Variants in R3HDM1 observed in about 807,000 individuals in gnomAD.
R3HDM1 encodes R3H domain-containing protein 1.
A neutral mutation model predicts 141.1 loss-of-function variants in R3HDM1; 46 were observed. The ratio of observed to expected loss-of-function variants is 0.33; its 90% CI spans 0.26 to 0.42. R3HDM1 has a LOEUF of 0.42. Ranked by LOEUF, R3HDM1 falls within the 10% of genes least tolerant of loss-of-function variation. The pLI, the probability that R3HDM1 is intolerant of heterozygous loss-of-function variation, is 1.00. For synonymous variants in R3HDM1, 435 were observed against 472.9 expected (o/e 0.92, Z 1.04); for missense variants, 1,184 against 1,368.3 (o/e 0.87, Z 2.12).
At chr2:135,681,434 G>C (rs2070285142) in intron 21 of R3HDM1, among the ~76,000 whole-genome samples, 1 of 152,128 alleles carries the variant, frequency 6.6e-6, no homozygotes, top group Non-Finnish European at 1.5e-5. Context: ...TCTCACATTG[G>C]CTGAATGATT....
intron 2 of R3HDM1, among the ~76,000 whole-genome samples, chr2:135,603,901 C>G (rs1258758885): frequency 6.6e-6 from 1 of 152,236 alleles, no homozygotes; most frequent in African/African-American, 2.4e-5. Flanking sequence ...CCCACCGCAG[C>G]CGGCCAAGTT....
intron 1 of R3HDM1, among the ~76,000 whole-genome samples, chr2:135,570,357 A>T (rs1017561392): frequency 1.3e-5 from 2 of 152,236 alleles, no homozygotes; most frequent in African/African-American, 4.8e-5. Context: ...GGAATACATA[A>T]GCAAATATTG....
intron 16 of R3HDM1, among the ~76,000 whole-genome samples, chr2:135,646,484 G>C (rs1361790729): frequency 6.6e-6 from 1 of 151,838 alleles, no homozygotes; most frequent in Admixed American, 6.6e-5. Context: ...CCTGTAGTTA[G>C]TTATACCTCT....
At position 135,597,560 on chromosome 2, in the gene R3HDM1, T is replaced by C. The variant is rs984263715; in HGVS notation, c.-249-4940T>C. ...TTATAACCTCAGGGAGAACTTGATATGGGTTGCTTTTGTGCATTTGATTTT... is the reference window on the plus strand; with the variant it reads ...TTATAACCTCAGGGAGAACTTGATACGGGTTGCTTTTGTGCATTTGATTTT... On this transcript the variant is annotated intron_variant, in intron 1 of 26. Coordinates refer to ENST00000683871, the MANE Select transcript of R3HDM1 (RefSeq NM_001378107.1). Among the ~76,000 whole-genome samples the C allele has an allele frequency of 6.1e-4, 93 of 152,248 alleles. 2 individuals are homozygous for C. The highest frequency in any genetic ancestry group is 5.8e-3 in the Admixed American group (88 of 15,288).
At chr2:135,552,309 C>A (rs1049232095) in intron 1 of R3HDM1, among the ~76,000 whole-genome samples, 3 of 152,040 alleles carry the variant, frequency 2.0e-5, no homozygotes, top group South Asian at 2.1e-4. Flanking sequence ...AATTCTCCCC[C>A]CTCAGCCTCC....
intron 1 of R3HDM1, among the ~76,000 whole-genome samples, chr2:135,592,647 G>T (rs1000123192): frequency 2.6e-5 from 4 of 151,712 alleles, no homozygotes; most frequent in Non-Finnish European, 5.9e-5. Flanking sequence ...CAGTTTCCAG[G>T]AATCCAAACC....
intron 1 of R3HDM1, among the ~76,000 whole-genome samples, chr2:135,541,523 A>G (rs1296058214): frequency 3.3e-5 from 5 of 151,984 alleles, no homozygotes; most frequent in Admixed American, 2.0e-4. Flanking sequence ...ACCTAATTTC[A>G]ATGTTGTTTT....
intron 1 of R3HDM1, among the ~76,000 whole-genome samples, chr2:135,550,967 A>T (rs1015554985): frequency 2.0e-5 from 3 of 152,264 alleles, no homozygotes; most frequent in African/African-American, 7.2e-5. Flanking sequence ...AGCAAATTAC[A>T]TATGCACTTA....
chr2:135,648,234 A>C (rs933855974), intron 16 of R3HDM1, among the ~76,000 whole-genome samples: 2 of 152,096 alleles, frequency 1.3e-5, no homozygotes, highest in Admixed American at 6.6e-5. Flanking sequence ...TTACTGAAAG[A>C]TTTTTTTAAT....
chr2:135,538,245 A>G (rs1483312764), intron 1 of R3HDM1, among the ~76,000 whole-genome samples: 1 of 152,252 alleles, frequency 6.6e-6, no homozygotes, highest in African/African-American at 2.4e-5. Flanking sequence ...AAGACAAGGT[A>G]TGGTAAAAAT....
intron 7 of R3HDM1, among the ~76,000 whole-genome samples, chr2:135,624,299 G>T (rs1228481201): frequency 6.6e-6 from 1 of 151,820 alleles, no homozygotes; most frequent in Non-Finnish European, 1.5e-5. Context: ...GGAGGCTGAG[G>T]CAGGGGAATG....
intron 21 of R3HDM1, 122 bp from the exon 22 acceptor site, chr2:135,709,311 G>T (rs376794631): frequency 7.5e-7 from 1 of 1,324,890 alleles, no homozygotes; most frequent in Non-Finnish European, 1.0e-6. Context: ...CTGACCTCGT[G>T]ATCCGCCCGC....
intron 19 of R3HDM1, among the ~76,000 whole-genome samples, chr2:135,671,527 GC>G (rs965577452): frequency 5.9e-5 from 9 of 151,706 alleles, no homozygotes; most frequent in African/African-American, 2.2e-4. Flanking sequence ...GCGCCACCAC[GC>G]CTGGCTAATT....
chr2:135,567,003 G>A lies in R3HDM1; in HGVS notation c.-250+35370G>A, dbSNP rs1361108300. On this transcript the variant is annotated intron_variant, in intron 1 of 26. Coordinates refer to ENST00000683871, the MANE Select transcript of R3HDM1 (RefSeq NM_001378107.1). The stretch of plus-strand genomic sequence containing the variant: ...AAAAAAAAAAAAAGTAGACCCCAGC[G>A]AGATGCTTTCTACCTTGCTGTTATT... Among the ~76,000 whole-genome samples the A allele has an allele frequency of 2.0e-5, 3 of 151,568 alleles. No homozygotes were observed. The East Asian group carries it at 5.8e-4, about 29-fold the overall frequency.
rs188459848 is a variant in R3HDM1, at chr2:135,692,882, G to A, written c.2459+12558G>A. Among the ~76,000 whole-genome samples the A allele has an allele frequency of 7.9e-5, 12 of 152,256 alleles. No homozygotes were observed. The East Asian group carries it at 1.9e-3, about 25-fold the overall frequency. ...ATATTTTATGTTAAGTGAGGATTAA[G>A]GAAAGATTTGAGATATCTTAATGGG... On this transcript the variant is annotated intron_variant, in intron 21 of 26. Transcript: ENST00000683871.
chr2:135,650,611 A>G (rs1559344739), intron 17 of R3HDM1: 10 of 979,116 alleles, frequency 1.0e-5, no homozygotes, highest in Non-Finnish European at 1.2e-5. Flanking sequence ...ATTTGATCAT[A>G]TAACATTGAA....
chr2:135,658,832 T>G (rs2066262784), intron 18 of R3HDM1, among the ~76,000 whole-genome samples: 1 of 152,202 alleles, frequency 6.6e-6, no homozygotes, highest in Non-Finnish European at 1.5e-5. Flanking sequence ...TTTTTAATTT[T>G]TTTTAATTAA....
intron 19 of R3HDM1, chr2:135,669,202 G>T: frequency 1.0e-6 from 1 of 985,204 alleles, no homozygotes; most frequent in South Asian, 4.7e-5. Flanking sequence ...CACGCATCTT[G>T]CGGGTAGTGG....
chr2:135,560,711 G>T (rs1189890968), intron 1 of R3HDM1, among the ~76,000 whole-genome samples: 1 of 152,194 alleles, frequency 6.6e-6, no homozygotes, highest in Non-Finnish European at 1.5e-5. Context: ...AGAGACTTGA[G>T]GTGCTTATCT....
Sources: allele counts gnomAD v4.1 joint callset (sites outside exome capture counted in the v4.1 genomes callset), GRCh38; gene constraint gnomAD v4.1.1; transcripts MANE v1.5; gene names NCBI Gene and HGNC (gene_info 2026-07-23, HGNC 2026-07-21).